TAF1C: variants seen among roughly 807,000 people sequenced by gnomAD.
TAF1C encodes TATA box-binding protein-associated factor RNA polymerase I subunit C.
Under a neutral mutation model 70.5 loss-of-function variants are expected in TAF1C, and 79 were observed. That is an observed-to-expected ratio of 1.12 (90% CI 0.93 to 1.35). TAF1C has a LOEUF of 1.35. Among genes scored for constraint, TAF1C ranks in the 40% most tolerant of loss-of-function variants. TAF1C has a pLI of 0.00. For synonymous variants in TAF1C, 614 were observed against 491.1 expected (o/e 1.25, Z -3.31); for missense variants, 1,412 against 1,127.8 (o/e 1.25, Z -3.61).
Position 84,183,457 on chromosome 16 carries a change from A to G in TAF1C, c.271T>C (p.Cys91Arg). The change falls in exon 4 of 15, where the codon TGC becomes CGC. Residue 91 changes from cysteine (C) to arginine (R), a missense_variant. Coordinates refer to ENST00000566732, the MANE Select transcript of TAF1C (RefSeq NM_001243156.2). ...TARDLLFRGGCRYRKRPRVVL... is the reference protein window; with the variant it reads ...TARDLLFRGGRRYRKRPRVVL... ...ACTCGGGGCCGCTTCCGATACCGGC[A>G]CCCTCCGCGGAAAAGCAGGTCCCGG... 1.9e-6 allele frequency: 3 copies of G among 1,611,652 alleles called. No individual in the cohort carries two copies. The highest frequency in any genetic ancestry group is 2.5e-6 in the Non-Finnish European group (3 of 1,178,998).
chr16:84,180,373 G>C (rs2089082181), intron 12 of TAF1C, 29 bp from the exon 13 acceptor site: 1 of 1,529,956 alleles, frequency 6.5e-7, no homozygotes, highest in African/African-American at 1.4e-5. Flanking sequence ...GGGGGATGTG[G>C]CCGAACTTGG....
intron 3 of TAF1C, 68 bp from the exon 4 acceptor site, chr16:84,183,575 G>A: frequency 1.3e-6 from 2 of 1,556,886 alleles, no homozygotes; most frequent in Non-Finnish European, 8.8e-7. Flanking sequence ...TGGGCGACTG[G>A]AGGTATCCAA....
Position 84,182,156 on chromosome 16 carries a change from C to T in TAF1C, c.721+46G>A. 2 of 1,592,304 alleles carry T rather than the reference C, an allele frequency of 1.3e-6. No homozygotes were observed. The highest frequency in any genetic ancestry group is 1.7e-6 in the Non-Finnish European group (2 of 1,167,470). Reference sequence around the variant, plus strand: ...GACCATGCCAAGAGCACCTCCTCTACCAGAGGCGAGCCCGCTGGAATCTCC... The same window carrying T: ...GACCATGCCAAGAGCACCTCCTCTATCAGAGGCGAGCCCGCTGGAATCTCC... On this transcript the variant is annotated intron_variant, in intron 7 of 14. Transcript: ENST00000566732. This position sits in a 1 kb window ranked among gnomAD's most constrained non-coding sequence, Gnocchi z 5.0.
rs939776200 is a variant in TAF1C, at chr16:84,180,398, A to G, written c.1309-54T>C. Reference sequence around the variant, plus strand: ...GCCGAACTTGGGAGCTGAGCTGTGTAGTGGCCCTCCAGGCCCCATGTGGCT... The same window carrying G: ...GCCGAACTTGGGAGCTGAGCTGTGTGGTGGCCCTCCAGGCCCCATGTGGCT... On this transcript the variant is annotated intron_variant, in intron 12 of 14. Coordinates refer to ENST00000566732, the MANE Select transcript of TAF1C (RefSeq NM_001243156.2). 145 of 1,506,950 alleles carry G rather than the reference A, an allele frequency of 9.6e-5. 1 individual carries two copies. The highest frequency in any genetic ancestry group is 1.2e-4 in the Non-Finnish European group (136 of 1,133,570). The allele number at this position is 1,506,950 out of a possible 1,614,324, so 93.3% of individuals were successfully genotyped here.
rs2089211772 is a variant in TAF1C, at chr16:84,181,766, C to T, written c.936G>A (p.Gly312=). Residue 312 remains glycine (G), a synonymous_variant, in exon 9 of 15, where the codon GGG becomes GGA. Coordinates refer to ENST00000566732, the MANE Select transcript of TAF1C (RefSeq NM_001243156.2). ...CTCACCTGAGGCTGATCCCCGTGGC[C>T]CCTTTCTCCACCTGCATTGCCTGCA... is the stretch of plus-strand genomic sequence containing the variant. The part of the protein sequence containing the change: ...TLLQAMQVEK[G]ATGISLSPHL... The T allele has an allele frequency of 6.2e-7, 1 of 1,614,110 alleles. No homozygotes were observed. Among genetic ancestry groups the T allele is most frequent in the Non-Finnish European group, 8.5e-7 (1 of 1,179,982 alleles).
chr16:84,178,842 C>G lies in TAF1C; in HGVS notation c.*99G>C. 1.5e-6 allele frequency: 2 copies of G among 1,358,636 alleles called. No individual in the cohort carries two copies. The highest frequency in any genetic ancestry group is 9.9e-7 in the Non-Finnish European group (1 of 1,010,162). 84.2% of individuals were successfully genotyped at this position (1,358,636 alleles called of 1,614,324 possible). A position where few individuals can be genotyped will look rare whatever the true frequency, so the allele number is the denominator to read the frequency against. On this transcript the variant is annotated 3_prime_UTR_variant, in exon 15 of 15. Transcript: ENST00000566732. ...CATCACAGTGGCCTCCAGAAGGTGG[C>G]GAGCTCTGCTTCTCAAGTTTCAACT...
intron 2 of TAF1C, 76 bp from the exon 3 acceptor site, chr16:84,183,854 CTCTTA>C: frequency 1.9e-6 from 2 of 1,070,546 alleles, no homozygotes; most frequent in Non-Finnish European, 2.8e-6. Context: ...AGGCATTCAT[CTCTTA>C]TCAACTCATC....
rs1230487132 is a variant in TAF1C, at chr16:84,184,948, G to A, written c.41C>T (p.Thr14Ile). 1 of 1,613,950 alleles carries A rather than the reference G, an allele frequency of 6.2e-7. No individual in the cohort carries two copies. The highest frequency in any genetic ancestry group is 1.3e-5 in the African/African-American group (1 of 75,040). Residue 14 changes from threonine to isoleucine, a missense_variant, in exon 2 of 15, where the codon ACC becomes ATC. Thr to Ile is a moderately conservative substitution (Grantham distance 89). Coordinates refer to ENST00000566732, the MANE Select transcript of TAF1C (RefSeq NM_001243156.2). ...GACGTCGCTCAGACCAAGGGGGCCG[G>A]TCAGAAACAATGCAGGGCGGAGGGA... ...PSSLRPALFL[T>I]GPLGLSDVPD...
At position 84,178,316 on chromosome 16, in the gene TAF1C, G is replaced by T; in HGVS notation, c.*625C>A. 8.8e-6 allele frequency: 4 copies of T among 456,942 alleles called. No individual in the cohort carries two copies. The highest frequency in any genetic ancestry group is 1.8e-5 in the Non-Finnish European group (4 of 227,140). 28.3% of individuals were successfully genotyped at this position (456,942 alleles called of 1,614,324 possible). The stretch of plus-strand genomic sequence containing the variant: ...CATCAGCCATCATCTCTCTGCATGA[G>T]CTCAGTGTCAGGTAGTAGCTGTGGC... On this transcript the variant is annotated 3_prime_UTR_variant, in exon 15 of 15. Coordinates refer to ENST00000566732, the MANE Select transcript of TAF1C (RefSeq NM_001243156.2).
In TAF1C at chr16:84,182,441, C is replaced by A. The variant is rs1371514811; in HGVS notation, c.483-1G>T. Reference sequence around the variant, plus strand: ...GTTGCTGAGGTAAGCCCAGGGACACCTGGGGACCAGAGAACAGCAGGAGGA... The same window carrying A: ...GTTGCTGAGGTAAGCCCAGGGACACATGGGGACCAGAGAACAGCAGGAGGA... On this transcript the variant is annotated splice_acceptor_variant, in intron 6 of 14. Transcript: ENST00000566732. LOFTEE classifies it high-confidence loss of function. This position sits in a 1 kb window ranked among gnomAD's most constrained non-coding sequence, Gnocchi z 5.0. 1 of 1,598,750 alleles carries A rather than the reference C, an allele frequency of 6.3e-7. No homozygotes were observed.
chr16:84,180,380 T>G lies in TAF1C; in HGVS notation c.1309-36A>C, dbSNP rs544168130. 93 of 1,528,650 alleles carry G rather than the reference T, an allele frequency of 6.1e-5. 1 individual carries two copies. The Middle Eastern group carries it at 1.0e-3, about 17-fold the overall frequency. The allele number at this position is 1,528,650 out of a possible 1,614,324, so 94.7% of individuals were successfully genotyped here. The stretch of plus-strand genomic sequence containing the variant: ...AGAAGGAAGGGGGATGTGGCCGAAC[T>G]TGGGAGCTGAGCTGTGTAGTGGCCC... On this transcript the variant is annotated intron_variant, in intron 12 of 14. Coordinates refer to ENST00000566732, the MANE Select transcript of TAF1C (RefSeq NM_001243156.2).
rs1567574973 is a variant in TAF1C, at chr16:84,177,892, T to G, written c.*1049A>C. The G allele has an allele frequency of 1.4e-6, 2 of 1,469,456 alleles. No homozygotes were observed. Among genetic ancestry groups the G allele is most frequent in the South Asian group, 1.1e-5 (1 of 88,184 alleles). The allele number at this position is 1,469,456 out of a possible 1,614,324, so 91.0% of individuals were successfully genotyped here. A position where few individuals can be genotyped will look rare whatever the true frequency, so the allele number is the denominator to read the frequency against. Reference sequence around the variant, plus strand: ...ATGGTTTAATCATAAATGTCTCCCTTAGGCATGATAAACATTTTAACACCC... The same window carrying G: ...ATGGTTTAATCATAAATGTCTCCCTGAGGCATGATAAACATTTTAACACCC... On this transcript the variant is annotated 3_prime_UTR_variant, in exon 15 of 15. Transcript: ENST00000566732.
In TAF1C at chr16:84,182,559, G is replaced by C; in HGVS notation, c.483-119C>G. 7 of 968,628 alleles carry C rather than the reference G, an allele frequency of 7.2e-6. No homozygotes were observed. The highest frequency in any genetic ancestry group is 1.1e-5 in the Non-Finnish European group (7 of 666,590). The allele number at this position is 968,628 out of a possible 1,614,324, so 60.0% of individuals were successfully genotyped here. ...TTATTTACCTAGAATTTCTTCCTTT[G>C]GGAGACCACCCCATCCTGTTCCCAT... On this transcript the variant is annotated intron_variant, in intron 6 of 14. Transcript: ENST00000566732. The surrounding 1 kb of genome is among the most constrained non-coding windows in gnomAD (Gnocchi z 5.0).
chr16:84,181,153 A>G lies in TAF1C; in HGVS notation c.1198T>C (p.Leu400=), dbSNP rs1293808220. ...TTCTGGCACGAAGCCTCTGCCCCCA[A>G]ACGAAAAAGCAACAGACCACAGCCC... The part of the protein sequence containing the change: ...PPGCGLLLFR[L]GAEASCQKGE... Residue 400 remains leucine (L), a synonymous_variant, in exon 12 of 15, where the codon TTG becomes CTG. Transcript: ENST00000566732. The G allele has an allele frequency of 7.4e-6, 12 of 1,611,750 alleles. No homozygotes were observed. The African/African-American group carries it at 1.5e-4, about 20-fold the overall frequency.
chr16:84,186,803 G>A (rs981285244), intron 1 of TAF1C, 98 bp downstream of exon 1: 6 of 152,282 alleles, frequency 3.9e-5, no homozygotes, highest in African/African-American at 1.4e-4. Flanking sequence ...GCCTGCCGCG[G>A]GGACTGGGGA....
At chr16:84,185,111 G>A in intron 1 of TAF1C, 51 bp from the exon 2 acceptor site, 2 of 1,277,282 alleles carry the variant, frequency 1.6e-6, no homozygotes. Flanking sequence ...TGAGGAAGCA[G>A]ATAACAAAAA....
rs536249649 is a variant in TAF1C at position 84,179,661 on chromosome 16, G to A, written c.1812C>T (p.Ser604=). 1 of 1,612,650 alleles carries A rather than the reference G, an allele frequency of 6.2e-7. No individual in the cohort carries two copies. Among genetic ancestry groups the A allele is most frequent in the South Asian group, 1.1e-5 (1 of 91,060 alleles). ...ACTGGCTGCAGCCGGCAGTGTCCTG[G>A]GAGGTCCAGGAAGCTGTGGGGGCAT... ...DCHAPTASWT[S]QDTAGCSQWL... is the part of the protein sequence containing the mutation. The change falls in exon 15 of 15, where the codon TCC becomes TCT. Residue 604 remains serine, a synonymous_variant. Transcript: ENST00000566732.
chr16:84,185,630 G>C (rs1012442895), intron 1 of TAF1C: 1 of 152,384 alleles, frequency 6.6e-6, no homozygotes, highest in Non-Finnish European at 1.5e-5. Context: ...GCCGGGCGCG[G>C]TGGCTCACGC....
chr16:84,179,801 C>T lies in TAF1C; in HGVS notation c.1672G>A (p.Val558Met). ...CCCGCCGCCGAGAGCTGGAAGAGCACCAGGCCTGGTGTGGGCGCTGAGGGC... is the reference window on the plus strand; with the variant it reads ...CCCGCCGCCGAGAGCTGGAAGAGCATCAGGCCTGGTGTGGGCGCTGAGGGC... ...PLPSAPTPGL[V>M]LFQLSAAGDV... is the part of the protein sequence containing the mutation. The change falls in exon 15 of 15, where the codon GTG becomes ATG. Residue 558 changes from valine (V) to methionine (M), a missense_variant. Coordinates refer to ENST00000566732, the MANE Select transcript of TAF1C (RefSeq NM_001243156.2). 3 of 1,610,496 alleles carry T rather than the reference C, an allele frequency of 1.9e-6. No homozygotes were observed. Among genetic ancestry groups the T allele is most frequent in the Middle Eastern group, 3.3e-4 (2 of 6,062 alleles).
Sources: gnomAD v4.1 joint callset for allele counts on GRCh38, gnomAD v4.1.1 for gene constraint, Gnocchi (gnomAD v3.1) non-coding constraint, MANE v1.5 for transcripts, NCBI Gene and HGNC (gene_info 2026-07-23, HGNC 2026-07-21) for gene names.